Variants in PCDH9 observed in about 807,000 individuals in gnomAD.
PCDH9 encodes protocadherin 9.
A neutral mutation model predicts 70.6 loss-of-function variants in PCDH9; 24 were observed. The observed-to-expected ratio is 0.34, with a 90% CI of 0.25 to 0.48. The LOEUF is 0.48. PCDH9 is among the 20% of genes least tolerant of loss of function. PCDH9 has a pLI of 0.99. For synonymous variants in PCDH9, 562 were observed against 558.5 expected, an observed-to-expected ratio of 1.01 and a Z score of -0.09; for missense variants, 1,281 against 1,503.6, an observed-to-expected ratio of 0.85 and a Z score of 2.45.
In PCDH9 at chr13:67,228,061, T is replaced by C. The variant is rs2089923741; in HGVS notation, c.380A>G (p.Lys127Arg). ...GGTATCCTTGACAATTATTTTTATT[T>C]TGATCAGCCTGAAGAAATCATTGGG... Reference protein sequence around the residue: ...ILPNDFFRLIKIKIIVKDTND... With the variant: ...ILPNDFFRLIRIKIIVKDTND... The change falls in exon 2 of 5, where the codon AAA becomes AGA. Residue 127 changes from lysine (K) to arginine (R), a missense_variant. Coordinates refer to ENST00000377865, the MANE Select transcript of PCDH9 (RefSeq NM_203487.3). The C allele has an allele frequency of 6.2e-7, 1 of 1,613,888 alleles. No homozygotes were observed. Among genetic ancestry groups the C allele is most frequent in the Non-Finnish European group, 8.5e-7 (1 of 1,179,936 alleles).
Position 67,226,601 on chromosome 13 carries a change from C to G in PCDH9, c.1840G>C (p.Asp614His), listed in dbSNP as rs772391774. 9.9e-6 allele frequency: 16 copies of G among 1,613,926 alleles called. No homozygotes were observed. In the South Asian group the frequency reaches 1.8e-4, roughly 18 times the overall value. ...GGATCCAACACAAAATTATCATTGT[C>G]ATTTAGAATGGAAAGAGTCACAGCT... ...NKAVTLSILN[D>H]NDNFVLDPYS... The change falls in exon 2 of 5, where the codon GAC becomes CAC. Residue 614 changes from aspartate (D) to histidine (H), a missense_variant. By Grantham distance (81) the Asp-to-His change is moderately conservative. Transcript: ENST00000377865. The surrounding 1 kb of genome is among the most constrained non-coding windows in gnomAD (Gnocchi z 5.0).
chr13:66,652,541 A>C (rs890980712), intron 3 of PCDH9, among the ~76,000 whole-genome samples: 3 of 152,050 alleles, frequency 2.0e-5, no homozygotes, highest in African/African-American at 7.2e-5. Flanking sequence ...TATTGTTAAA[A>C]TGTACATACT....
intron 4 of PCDH9, among the ~76,000 whole-genome samples, chr13:66,323,926 T>C (rs1442656150): frequency 1.3e-5 from 2 of 152,062 alleles, no homozygotes; most frequent in Non-Finnish European, 1.5e-5. Context: ...ATCTGGACTA[T>C]TGAAACTGTC....
At chr13:66,333,228 T>C (rs958812621) in intron 4 of PCDH9, among the ~76,000 whole-genome samples, 2 of 148,372 alleles carry the variant, frequency 1.3e-5, no homozygotes, top group Admixed American at 6.7e-5. Flanking sequence ...ACAAGAATAA[T>C]GTAGTAGTCT....
chr13:67,075,094 C>T (rs960382493), intron 2 of PCDH9, among the ~76,000 whole-genome samples: 1 of 151,528 alleles, frequency 6.6e-6, no homozygotes, highest in African/African-American at 2.4e-5. Flanking sequence ...AAAAATGCAA[C>T]TTCTTCTTTA....
chr13:66,467,149 G>A (rs1394167227), intron 4 of PCDH9, among the ~76,000 whole-genome samples: 3 of 151,920 alleles, frequency 2.0e-5, no homozygotes, highest in African/African-American at 7.2e-5. Context: ...TTACATCTAA[G>A]GAATACAGCA....
At chr13:66,999,034 C>T (rs1240768223) in intron 2 of PCDH9, among the ~76,000 whole-genome samples, 1 of 152,236 alleles carries the variant, frequency 6.6e-6, no homozygotes, top group African/African-American at 2.4e-5. Flanking sequence ...AATCAACCTT[C>T]TGTCCATCCT....
At chr13:67,220,106 C>T (rs928116067) in intron 2 of PCDH9, 3 of 150,996 alleles carry the variant, frequency 2.0e-5, no homozygotes, top group East Asian at 1.9e-4. Context: ...ACAACTGTAA[C>T]GTTCAGCATT....
intron 3 of PCDH9, among the ~76,000 whole-genome samples, chr13:66,827,318 T>C (rs1192679196): frequency 1.3e-5 from 2 of 150,518 alleles, no homozygotes; most frequent in Non-Finnish European, 2.9e-5. Context: ...TTTGTGGCAA[T>C]TTGTTACAGT....
At chr13:66,476,412 C>T (rs1348544995) in intron 4 of PCDH9, among the ~76,000 whole-genome samples, 5 of 151,988 alleles carry the variant, frequency 3.3e-5, no homozygotes, top group African/African-American at 1.2e-4. Flanking sequence ...AAGAGAATTG[C>T]TAGTAGAATT....
At chr13:66,742,013 A>G (rs2079272614) in intron 3 of PCDH9, among the ~76,000 whole-genome samples, 1 of 135,092 alleles carries the variant, frequency 7.4e-6, no homozygotes, top group Non-Finnish European at 1.6e-5. Flanking sequence ...ATATGGAACC[A>G]AAAAAGAGCC....
intron 3 of PCDH9, among the ~76,000 whole-genome samples, chr13:66,816,906 G>C (rs1354791760): frequency 6.7e-6 from 1 of 150,282 alleles, no homozygotes; most frequent in Non-Finnish European, 1.5e-5. Flanking sequence ...ATGTTTAAAG[G>C]ATAATGTGAG....
chr13:66,473,477 C>G (rs1241429248), intron 4 of PCDH9, among the ~76,000 whole-genome samples: 3 of 151,868 alleles, frequency 2.0e-5, no homozygotes, highest in Non-Finnish European at 4.4e-5. Flanking sequence ...ACAATAAATA[C>G]TACTAGTAGA....
chr13:66,407,051 G>A (rs1272783527), intron 4 of PCDH9, among the ~76,000 whole-genome samples: 1 of 152,088 alleles, frequency 6.6e-6, no homozygotes, highest in Admixed American at 6.5e-5. Context: ...CAGAAACAAG[G>A]CACAGATCTC....
chr13:66,778,044 G>C (rs1199479527), intron 3 of PCDH9, among the ~76,000 whole-genome samples: 1 of 147,878 alleles, frequency 6.8e-6, no homozygotes, highest in African/African-American at 2.5e-5. Flanking sequence ...AAAAAACCAA[G>C]CACTGCATAT....
At chr13:66,601,760 T>C (rs775701466) in intron 4 of PCDH9, among the ~76,000 whole-genome samples, 2 of 145,902 alleles carry the variant, frequency 1.4e-5, no homozygotes, top group African/African-American at 2.5e-5. Context: ...AAGATTAAAA[T>C]GGAACTGAGA....
At chr13:66,916,852 C>T (rs1424580223) in intron 2 of PCDH9, among the ~76,000 whole-genome samples, 2 of 151,418 alleles carry the variant, frequency 1.3e-5, no homozygotes, top group East Asian at 1.9e-4. Context: ...AAGAGCTAAA[C>T]ACAATAAGGG....
chr13:67,091,806 C>A (rs115117058), intron 2 of PCDH9, among the ~76,000 whole-genome samples: 15 of 152,240 alleles, frequency 9.9e-5, no homozygotes, highest in East Asian at 3.9e-4. Flanking sequence ...TAGACACTTA[C>A]AATTTCCTGA....
At chr13:66,715,735 C>T (rs4396423) in intron 3 of PCDH9, among the ~76,000 whole-genome samples, 49,029 of 151,988 alleles carry the variant, frequency 0.32, 8,657 homozygotes, top group South Asian at 0.42. Context: ...CAATAAATAA[C>T]GCACAGACAA....
Sources: gnomAD v4.1 joint callset for allele counts (sites outside exome capture counted in the v4.1 genomes callset) on GRCh38, gnomAD v4.1.1 for gene constraint, Gnocchi (gnomAD v3.1) non-coding constraint, MANE v1.5 for transcripts, NCBI Gene and HGNC (gene_info 2026-07-23, HGNC 2026-07-21) for gene names.